Variants in FHOD3 observed in about 807,000 individuals in gnomAD.
The protein encoded by FHOD3 is formin homology 2 domain containing 3, also known as FH1/FH2 domain-containing protein 3.
FHOD3 carries 90 observed loss-of-function variants against 173.0 expected under a neutral mutation model. The observed-to-expected ratio is 0.52, with a 90% CI of 0.44 to 0.62. The LOEUF is 0.62. Ranked by LOEUF, FHOD3 falls within the 20% of genes least tolerant of loss-of-function variation. The pLI, the probability that FHOD3 is intolerant of heterozygous loss-of-function variation, is 0.00. For synonymous variants in FHOD3, 828 were observed against 823.0 expected, an observed-to-expected ratio of 1.01 and a Z score of -0.10; for missense variants, 1,945 against 2,034.7, an observed-to-expected ratio of 0.96 and a Z score of 0.85.
Position 36,658,164 on chromosome 18 carries a change from C to T in FHOD3, c.1811C>T (p.Pro604Leu). 1.9e-6 allele frequency: 3 copies of T among 1,588,292 alleles called. No homozygotes were observed. Among genetic ancestry groups the T allele is most frequent in the Non-Finnish European group, 2.6e-6 (3 of 1,169,938 alleles). Residue 604 changes from proline to leucine, a missense_variant, in exon 14 of 29, where the codon CCC becomes CTC. Coordinates refer to ENST00000590592, the MANE Select transcript of FHOD3 (RefSeq NM_001281740.3). ...VPTTPTSSVS[P>L]PQEARLERSS... Reference sequence around the variant, plus strand: ...ACCACCCCCACATCATCCGTCTCACCCCCACAGGAGGCCAGGTTGGAAAGG... The same window carrying T: ...ACCACCCCCACATCATCCGTCTCACTCCCACAGGAGGCCAGGTTGGAAAGG...
At chr18:36,550,243 C>CATATATATATATATAT (rs371573246) in intron 5 of FHOD3, among the ~76,000 whole-genome samples, 1,331 of 120,380 alleles carry the variant, frequency 0.011, 15 homozygotes, top group Middle Eastern at 0.026. Context: ...AGTGGTAGAC[C>CATATATATATATATAT]ATATATATAT....
intron 28 of FHOD3, among the ~76,000 whole-genome samples, chr18:36,777,312 C>A (rs936203737): frequency 1.3e-5 from 2 of 148,910 alleles, no homozygotes; most frequent in African/African-American, 2.5e-5. Context: ...AAGCAATTCT[C>A]TGCATCAGCT....
chr18:36,601,925 C>T (rs962200956), intron 7 of FHOD3, among the ~76,000 whole-genome samples: 7 of 152,170 alleles, frequency 4.6e-5, no homozygotes, highest in Non-Finnish European at 8.8e-5. Flanking sequence ...GAAATAACCA[C>T]CCATAAGCCT....
At chr18:36,345,729 CAG>C (rs2045848769) in intron 1 of FHOD3, among the ~76,000 whole-genome samples, 1 of 152,080 alleles carries the variant, frequency 6.6e-6, no homozygotes, top group Admixed American at 6.5e-5. Context: ...ATGCCAAACA[CAG>C]AGAATACAGA....
chr18:36,749,213 T>C (rs1393280078), intron 24 of FHOD3, among the ~76,000 whole-genome samples: 6 of 152,214 alleles, frequency 3.9e-5, no homozygotes. Context: ...CAGGGATACA[T>C]GTGAAGGTTT....
At chr18:36,541,135 C>T (rs2057194802) in intron 5 of FHOD3, among the ~76,000 whole-genome samples, 1 of 151,416 alleles carries the variant, frequency 6.6e-6, no homozygotes, top group Non-Finnish European at 1.5e-5. Context: ...CCTGTAATCC[C>T]AGCTACTCTG....
chr18:36,493,870 G>T (rs1006646393), intron 3 of FHOD3, among the ~76,000 whole-genome samples: 13 of 152,204 alleles, frequency 8.5e-5, no homozygotes, highest in Admixed American at 7.9e-4. Context: ...CTCTGGGGAC[G>T]TGGTCCAGGT....
intron 20 of FHOD3, among the ~76,000 whole-genome samples, chr18:36,736,777 G>C (rs2041655475): frequency 6.6e-6 from 1 of 152,210 alleles, no homozygotes; most frequent in East Asian, 1.9e-4. Flanking sequence ...CAACACTCGA[G>C]TGGGAAAATA....
chr18:36,509,682 T>A (rs1036863057), intron 4 of FHOD3, among the ~76,000 whole-genome samples: 7 of 152,192 alleles, frequency 4.6e-5, no homozygotes, highest in Non-Finnish European at 1.0e-4. Context: ...ATGTGTTGAT[T>A]GGCACCTGGG....
intron 1 of FHOD3, among the ~76,000 whole-genome samples, chr18:36,348,266 AG>A (rs2045959105): frequency 1.3e-5 from 2 of 152,300 alleles, no homozygotes; most frequent in South Asian, 4.1e-4. Flanking sequence ...GTACCATTTG[AG>A]GGGGGAAACA....
chr18:36,464,198 C>T (rs1334847306), intron 3 of FHOD3, among the ~76,000 whole-genome samples: 2 of 152,132 alleles, frequency 1.3e-5, no homozygotes, highest in Non-Finnish European at 1.5e-5. Flanking sequence ...ATGATTGTGT[C>T]AATATTGACG....
intron 10 of FHOD3, among the ~76,000 whole-genome samples, chr18:36,639,825 T>C (rs2035179579): frequency 6.6e-6 from 1 of 151,808 alleles, no homozygotes; most frequent in African/African-American, 2.4e-5. Context: ...TTTTTTTTTT[T>C]TTTAAACACA....
intron 1 of FHOD3, among the ~76,000 whole-genome samples, chr18:36,318,491 G>A (rs1252980861): frequency 6.6e-6 from 1 of 152,136 alleles, no homozygotes; most frequent in Non-Finnish European, 1.5e-5. Flanking sequence ...TGTAGTAATT[G>A]TGAATGGGAG....
chr18:36,537,121 G>A (rs940016045), intron 5 of FHOD3, among the ~76,000 whole-genome samples: 2 of 152,244 alleles, frequency 1.3e-5, no homozygotes, highest in Admixed American at 6.5e-5. Context: ...AGCTTCAGGT[G>A]TAGCTTCCAG....
intron 24 of FHOD3, among the ~76,000 whole-genome samples, chr18:36,753,520 A>C (rs1367057226): frequency 6.6e-6 from 1 of 152,144 alleles, no homozygotes; most frequent in Non-Finnish European, 1.5e-5. Context: ...GCTTCTATGA[A>C]CTTTTGTGTA....
intron 14 of FHOD3, among the ~76,000 whole-genome samples, chr18:36,658,951 C>G (rs1385659707): frequency 6.6e-6 from 1 of 152,132 alleles, no homozygotes; most frequent in Non-Finnish European, 1.5e-5. Flanking sequence ...GTGAAGCCCA[C>G]CATGTGTATC....
At chr18:36,376,146 A>C (rs1340792868) in intron 3 of FHOD3, among the ~76,000 whole-genome samples, 1 of 152,216 alleles carries the variant, frequency 6.6e-6, no homozygotes, top group Non-Finnish European at 1.5e-5. Flanking sequence ...TCTGATAACT[A>C]AATCTCATCA....
chr18:36,737,233 A>G (rs887378577), intron 20 of FHOD3, among the ~76,000 whole-genome samples: 9 of 152,278 alleles, frequency 5.9e-5, no homozygotes, highest in African/African-American at 1.9e-4. Context: ...GCTTTCTCAA[A>G]GGAACAAAGC....
chr18:36,476,126 T>G (rs963940872), intron 3 of FHOD3, among the ~76,000 whole-genome samples: 1 of 152,204 alleles, frequency 6.6e-6, no homozygotes, highest in East Asian at 1.9e-4. Flanking sequence ...TGCTGAGCCC[T>G]GTTTTTTGAC....
Sources: gnomAD v4.1 joint callset for allele counts (sites outside exome capture counted in the v4.1 genomes callset) on GRCh38, gnomAD v4.1.1 for gene constraint, MANE v1.5 for transcripts, NCBI Gene and HGNC (gene_info 2026-07-23, HGNC 2026-07-21) for gene names.